The following FMNL2 variants were observed in gnomAD, a reference collection of about 807,000 sequenced individuals.
FMNL2 encodes formin like 2.
FMNL2 carries 51 observed loss-of-function variants against 130.2 expected under a neutral mutation model. That is an observed-to-expected ratio of 0.39 (90% CI 0.31 to 0.49). FMNL2 has a LOEUF of 0.49. FMNL2 is among the 20% of genes least tolerant of loss of function. FMNL2 has a pLI of 0.85. For synonymous variants in FMNL2, 465 were observed against 467.1 expected (o/e 1.00, Z 0.06); for missense variants, 977 against 1,316.2 (o/e 0.74, Z 3.99).
chr2:152,464,342 C>T (rs950230474), intron 1 of FMNL2, among the ~76,000 whole-genome samples: 4 of 152,296 alleles, frequency 2.6e-5, no homozygotes, highest in Admixed American at 2.6e-4. Context: ...ACTCCTTTGG[C>T]TGGCTTTAAA....
chr2:152,383,933 G>A (rs967502378), intron 1 of FMNL2, among the ~76,000 whole-genome samples: 2 of 152,136 alleles, frequency 1.3e-5, no homozygotes, highest in East Asian at 3.9e-4. Flanking sequence ...CATCTGGGGA[G>A]CTACCATATG....
intron 1 of FMNL2, among the ~76,000 whole-genome samples, chr2:152,383,573 C>CA (rs1684615270): frequency 6.6e-6 from 1 of 151,680 alleles, no homozygotes; most frequent in African/African-American, 2.4e-5. Flanking sequence ...TGTTTCAAAT[C>CA]AAAAAACCAA....
chr2:152,610,921 A>T (rs1009251162), intron 10 of FMNL2, among the ~76,000 whole-genome samples: 2 of 152,154 alleles, frequency 1.3e-5, no homozygotes, highest in Admixed American at 1.3e-4. Context: ...GAGGGTTTTA[A>T]TTTCTCCATA....
chr2:152,470,609 T>C (rs913012023), intron 1 of FMNL2, among the ~76,000 whole-genome samples: 1 of 152,262 alleles, frequency 6.6e-6, no homozygotes, highest in Non-Finnish European at 1.5e-5. Context: ...TTTCCTCTTA[T>C]GGCCATAATT....
At chr2:152,383,273 CTT>C (rs35206829) in intron 1 of FMNL2, among the ~76,000 whole-genome samples, 18 of 97,618 alleles carry the variant, frequency 1.8e-4, no homozygotes, top group African/African-American at 6.0e-4. Context: ...TCCGTTAATC[CTT>C]TTTTTTTTTT....
chr2:152,407,595 CTT>C (rs776099572), intron 1 of FMNL2, among the ~76,000 whole-genome samples: 3 of 152,200 alleles, frequency 2.0e-5, no homozygotes, highest in Non-Finnish European at 2.9e-5. Flanking sequence ...TGTTTCTTCT[CTT>C]TTCAGCATTT....
rs1558979238 is a variant in FMNL2 at position 152,578,947 on chromosome 2, G to A, written c.765G>A (p.Leu255=). The change falls in exon 8 of 26, where the codon CTG becomes CTA. Residue 255 remains leucine (L), a synonymous_variant. Coordinates refer to ENST00000288670, the MANE Select transcript of FMNL2 (RefSeq NM_052905.4). ...PHAVNEIALS[L]NNKNPRTKAL... ...CTGTCAATGAGATTGCACTAAGCCT[G>A]AACAACAAGAATCCCAGGTAAGCTG... The A allele has an allele frequency of 3.7e-6, 6 of 1,612,986 alleles. No individual in the cohort carries two copies. The highest frequency in any genetic ancestry group is 5.1e-6 in the Non-Finnish European group (6 of 1,179,450).
intron 6 of FMNL2, among the ~76,000 whole-genome samples, chr2:152,571,139 G>A (rs990145169): frequency 2.6e-5 from 4 of 152,060 alleles, no homozygotes; most frequent in Non-Finnish European, 5.9e-5. Flanking sequence ...GCAGGATGGC[G>A]TTGGAGTGTC....
In FMNL2 at chr2:152,566,877, G is replaced by C. The variant is rs76054782; in HGVS notation, c.596+5842G>C. 8.7e-3 allele frequency among the ~76,000 whole-genome samples: 1,324 copies of C among 152,292 alleles called. 21 individuals are homozygous for C. Among genetic ancestry groups the C allele is most frequent in the African/African-American group, 0.03 (1,248 of 41,564 alleles). On this transcript the variant is annotated intron_variant, in intron 6 of 25. Coordinates refer to ENST00000288670, the MANE Select transcript of FMNL2 (RefSeq NM_052905.4). ...GAAACAACAATGAGTAAGACCCAGA[G>C]GGGTGGCTGGGAAAAGGGAGAAGTC...
intron 7 of FMNL2, among the ~76,000 whole-genome samples, chr2:152,577,882 C>G (rs189178605): frequency 6.6e-6 from 1 of 152,080 alleles, no homozygotes; most frequent in Non-Finnish European, 1.5e-5. Flanking sequence ...TAAAGGATAG[C>G]AGAGAAATGA....
chr2:152,389,675 C>G (rs906973833), intron 1 of FMNL2, among the ~76,000 whole-genome samples: 2 of 152,200 alleles, frequency 1.3e-5, no homozygotes, highest in African/African-American at 4.8e-5. Flanking sequence ...CGAGCCGGCG[C>G]GATGGGCGGA....
Position 152,511,558 on chromosome 2 carries a change from C to T in FMNL2, c.118-10385C>T, listed in dbSNP as rs189807407. On this transcript the variant is annotated intron_variant, in intron 1 of 25. Transcript: ENST00000288670. ...ATCTTTCTCTTGTTATTTCAGAAGA[C>T]GTGACCTTAGTTGAACATAAACTTG... Among the ~76,000 whole-genome samples, 9 of 152,302 alleles carry T rather than the reference C, an allele frequency of 5.9e-5. No individual in the cohort carries two copies. The East Asian group carries it at 1.7e-3, about 29-fold the overall frequency.
At chr2:152,644,133 A>G (rs1020512093) in intron 25 of FMNL2, among the ~76,000 whole-genome samples, 2 of 152,144 alleles carry the variant, frequency 1.3e-5, no homozygotes, top group African/African-American at 4.8e-5. Context: ...AGGTGGGAGC[A>G]TTGCTTGAGC....
At chr2:152,602,065 A>G (rs939256061) in intron 9 of FMNL2, among the ~76,000 whole-genome samples, 1 of 152,202 alleles carries the variant, frequency 6.6e-6, no homozygotes, top group Non-Finnish European at 1.5e-5. Context: ...ACTGTGACTT[A>G]TAACCCAGGT....
chr2:152,643,312 C>T, intron 25 of FMNL2: 1 of 1,467,424 alleles, frequency 6.8e-7, no homozygotes, highest in Non-Finnish European at 9.2e-7. Flanking sequence ...CTTCCCCACC[C>T]CCATCCCCAG....
intron 9 of FMNL2, among the ~76,000 whole-genome samples, chr2:152,595,236 C>T (rs1003361607): frequency 6.6e-6 from 1 of 151,984 alleles, no homozygotes; most frequent in Non-Finnish European, 1.5e-5. Flanking sequence ...CTATGTGGAA[C>T]GTGTCAAGAA....
chr2:152,619,866 G>T, intron 15 of FMNL2, 148 bp downstream of exon 15: 1 of 1,434,540 alleles, frequency 7.0e-7, no homozygotes. Context: ...GTAGCCGATA[G>T]AGGGAACATC....
At chr2:152,534,584 CT>C (rs1237571975) in intron 2 of FMNL2, among the ~76,000 whole-genome samples, 96 of 105,622 alleles carry the variant, frequency 9.1e-4, no homozygotes, top group African/African-American at 3.5e-3. Flanking sequence ...TTTTTTTTTC[CT>C]GATCAGATTT....
At chr2:152,357,032 C>CGT (rs1560293386) in intron 1 of FMNL2, among the ~76,000 whole-genome samples, 12 of 123,992 alleles carry the variant, frequency 9.7e-5, no homozygotes, top group South Asian at 2.9e-4. Flanking sequence ...ATAAATATTA[C>CGT]ATAAGTTTAA....
Sources: allele counts gnomAD v4.1 joint callset (sites outside exome capture counted in the v4.1 genomes callset), GRCh38; gene constraint gnomAD v4.1.1; transcripts MANE v1.5; gene names NCBI Gene and HGNC (gene_info 2026-07-23, HGNC 2026-07-21).